PTAFR: variants seen among roughly 807,000 people sequenced by gnomAD.
PTAFR encodes platelet activating factor receptor.
PTAFR carries 8 observed loss-of-function variants against 14.7 expected under a neutral mutation model. The ratio of observed to expected loss-of-function variants is 0.54; its 90% CI spans 0.32 to 0.98. PTAFR has a LOEUF of 0.98. Ranked by LOEUF, PTAFR falls within the 50% of genes least tolerant of loss-of-function variation. The pLI is 0.04. For missense variants in PTAFR, 337 were observed against 451.2 expected, an observed-to-expected ratio of 0.75 and a Z score of 2.29; for synonymous variants, 156 against 176.5, an observed-to-expected ratio of 0.88 and a Z score of 0.92.
At chr1:28,182,530 C>T (rs1053322972) in intron 1 of PTAFR, among the ~76,000 whole-genome samples, 3 of 151,730 alleles carry the variant, frequency 2.0e-5, no homozygotes, top group African/African-American at 7.3e-5. Context: ...TTAAAATTCG[C>T]TGCAGTGAGC....
chr1:28,177,206 G>C (rs1242549431), upstream of PTAFR: 1 of 152,482 alleles, frequency 6.6e-6, no homozygotes, highest in Non-Finnish European at 1.5e-5. Context: ...ATTTGGGTCT[G>C]TGCGTCTCTG....
rs1349256207 is a variant in PTAFR, at chr1:28,149,375, C to T, written c.*618G>A. ...TTTGAGATGGAATCTCGCTCTGTTG[C>T]CAGGCTAGAGTGCAATGGTGCAATC... is the stretch of plus-strand genomic sequence containing the variant. On this transcript the variant is annotated 3_prime_UTR_variant, in exon 2 of 2. Transcript: ENST00000373857. 2 of 125,662 alleles carry T rather than the reference C, an allele frequency of 1.6e-5. No individual in the cohort carries two copies. Among genetic ancestry groups the T allele is most frequent in the Non-Finnish European group, 3.1e-5 (2 of 63,604 alleles). The allele number at this position is 125,662 out of a possible 1,614,324, so 7.8% of individuals were successfully genotyped here.
rs904024354 is a variant in PTAFR at position 28,149,826 on chromosome 1, A to T, written c.*167T>A. The T allele has an allele frequency of 2.2e-6, 2 of 897,046 alleles. No individual in the cohort carries two copies. The highest frequency in any genetic ancestry group is 1.7e-5 in the African/African-American group (1 of 59,494). 55.6% of individuals were successfully genotyped at this position (897,046 alleles called of 1,614,324 possible). A position where few individuals can be genotyped will look rare whatever the true frequency, so the allele number is the denominator to read the frequency against. ...GGCTCATTTGAGTTCTGGATTTTCC[A>T]ACAGCCTGGCTCTGCCATCATCCCT... is the stretch of plus-strand genomic sequence containing the variant. On this transcript the variant is annotated 3_prime_UTR_variant, in exon 2 of 2. Transcript: ENST00000373857.
rs1165813776 is a variant in PTAFR at position 28,184,082 on chromosome 1, GTTTTTTTTTTT to G, written c.-39+9629_-39+9639del. Reference sequence around the variant, plus strand: ...TCCATACTCACGTCCCCATTAGTCTGTTTTTTTTTTTTTTTTTTTTTTTTTTTTGAGCTGGA... The same window carrying G: ...TCCATACTCACGTCCCCATTAGTCTGTTTTTTTTTTTTTTTTTGAGCTGGA... On this transcript the variant is annotated intron_variant, in intron 1 of 1. Coordinates refer to the PTAFR transcript ENST00000305392. 9.7e-5 allele frequency among the ~76,000 whole-genome samples: 8 copies of G among 82,416 alleles called. No homozygotes were observed. The South Asian group carries it at 1.2e-3, about 13-fold the overall frequency. 54.1% of individuals were successfully genotyped at this position (82,416 alleles called of 152,430 possible).
chr1:28,158,673 G>A (rs560611858), intron 1 of PTAFR, among the ~76,000 whole-genome samples: 57 of 152,064 alleles, frequency 3.7e-4, no homozygotes, highest in Non-Finnish European at 6.6e-4. Flanking sequence ...ACTCCAGCCT[G>A]GGCAACAGAG....
chr1:28,170,161 T>G (rs1239076387), intron 1 of PTAFR, among the ~76,000 whole-genome samples: 1 of 152,214 alleles, frequency 6.6e-6, no homozygotes, highest in Non-Finnish European at 1.5e-5. Flanking sequence ...TGTTGATTTC[T>G]CTCTCCTTTT....
At chr1:28,182,006 C>T (rs1646566524) in intron 1 of PTAFR, among the ~76,000 whole-genome samples, 3 of 151,744 alleles carry the variant, frequency 2.0e-5, no homozygotes, top group African/African-American at 7.3e-5. Context: ...CTACATGAAT[C>T]TTCTCGGATC....
At chr1:28,152,281 GT>G (rs2148992842) in intron 1 of PTAFR, among the ~76,000 whole-genome samples, 1 of 151,916 alleles carries the variant, frequency 6.6e-6, no homozygotes, top group South Asian at 2.1e-4. Flanking sequence ...TGGCAGTTCT[GT>G]TTCTCTTCTT....
chr1:28,159,983 C>T (rs1441255066), intron 1 of PTAFR, among the ~76,000 whole-genome samples: 2 of 151,862 alleles, frequency 1.3e-5, no homozygotes, highest in African/African-American at 4.8e-5. Context: ...GAGGCCAAGG[C>T]GGAACAATTG....
At position 28,148,547 on chromosome 1, in the gene PTAFR, A is replaced by G. The variant is rs1042982078; in HGVS notation, c.*1446T>C. 6.6e-6 allele frequency: 1 copy of G among 152,550 alleles called. No homozygotes were observed. Among genetic ancestry groups the G allele is most frequent in the African/African-American group, 2.4e-5 (1 of 41,446 alleles). The allele number at this position is 152,550 out of a possible 1,614,324, so 9.4% of individuals were successfully genotyped here. A position where few individuals can be genotyped will look rare whatever the true frequency, so the allele number is the denominator to read the frequency against. The stretch of plus-strand genomic sequence containing the variant: ...GCCCAGGCTGGAGAGCAGTGGCGTG[A>G]TCTCGGCTCACTGCAAGCTCCGCCT... On this transcript the variant is annotated 3_prime_UTR_variant, in exon 2 of 2. Coordinates refer to ENST00000373857, the MANE Select transcript of PTAFR (RefSeq NM_000952.5).
chr1:28,150,518 G>T lies in PTAFR; in HGVS notation c.504C>A (p.Gly168=). 1.9e-6 allele frequency: 3 copies of T among 1,614,220 alleles called. No individual in the cohort carries two copies. The highest frequency in any genetic ancestry group is 1.7e-5 in the Admixed American group (1 of 60,022). ...TNTVPDSAGS[G]NVTRCFEHYE... ...AATGCTCAAAGCAGCGAGTGACGTT[G>T]CCTGAGCCAGCACTGTCGGGCACTG... The change falls in exon 2 of 2, where the codon GGC becomes GGA. Residue 168 remains glycine, a synonymous_variant. Transcript: ENST00000373857. The surrounding 1 kb of genome is among the most constrained non-coding windows in gnomAD (Gnocchi z 6.3).
At chr1:28,180,034 C>A (rs894812464), upstream of PTAFR, among the ~76,000 whole-genome samples, 1 of 152,112 alleles carries the variant, frequency 6.6e-6, no homozygotes, top group Non-Finnish European at 1.5e-5. Flanking sequence ...GAGGGCCAGG[C>A]TCAGTGGCTC....
intron 1 of PTAFR, among the ~76,000 whole-genome samples, chr1:28,168,531 CTTA>C (rs2149000183): frequency 6.6e-6 from 1 of 152,188 alleles, no homozygotes; most frequent in Admixed American, 6.5e-5. Flanking sequence ...TATGATTCCA[CTTA>C]TTATATGAGA....
intron 1 of PTAFR, among the ~76,000 whole-genome samples, chr1:28,168,308 T>G (rs1367360714): frequency 6.6e-6 from 1 of 152,066 alleles, no homozygotes; most frequent in East Asian, 1.9e-4. Flanking sequence ...CACATTCATA[T>G]TCATAGCAAC....
At chr1:28,165,538 C>G (rs1023926274) in intron 1 of PTAFR, among the ~76,000 whole-genome samples, 1 of 151,668 alleles carries the variant, frequency 6.6e-6, no homozygotes, top group African/African-American at 2.4e-5. Flanking sequence ...AATCCCAGCA[C>G]TTTGAGAGGC....
At chr1:28,152,747 A>G (rs989072823) in intron 1 of PTAFR, among the ~76,000 whole-genome samples, 1 of 152,138 alleles carries the variant, frequency 6.6e-6, no homozygotes, top group African/African-American at 2.4e-5. Context: ...CTGTCTCGAA[A>G]AAATAAATAA....
intron 1 of PTAFR, among the ~76,000 whole-genome samples, chr1:28,169,175 C>T (rs551890729): frequency 4.5e-4 from 68 of 152,036 alleles, no homozygotes; most frequent in Non-Finnish European, 5.3e-4. Flanking sequence ...ATGAGTGGAT[C>T]ACTTGAGCCC....
intron 1 of PTAFR, among the ~76,000 whole-genome samples, chr1:28,158,348 C>A (rs1453937763): frequency 6.6e-6 from 1 of 152,098 alleles, no homozygotes; most frequent in African/African-American, 2.4e-5. Flanking sequence ...TCTAAAGGAA[C>A]GTGAGACATT....
In PTAFR at chr1:28,150,339, C is replaced by T. The variant is rs147497462; in HGVS notation, c.683G>A (p.Arg228His). 6.3e-5 allele frequency: 102 copies of T among 1,613,862 alleles called. No individual in the cohort carries two copies. Among genetic ancestry groups the T allele is most frequent in the Non-Finnish European group, 6.7e-5 (79 of 1,179,938 alleles). Reference sequence around the variant, plus strand: ...CGTGCACACCATCCACAGCGCCCGGCGCTTGACTTCAGCGTTGCGCTGCTG... The same window carrying T: ...CGTGCACACCATCCACAGCGCCCGGTGCTTGACTTCAGCGTTGCGCTGCTG... ...VQQQRNAEVKRRALWMVCTVL... is the reference protein window; with the variant it reads ...VQQQRNAEVKHRALWMVCTVL... Residue 228 changes from arginine (R) to histidine (H), a missense_variant, in exon 2 of 2, where the codon CGC becomes CAC. By Grantham distance (29) the Arg-to-His change is conservative (BLOSUM62 0). Coordinates refer to ENST00000373857, the MANE Select transcript of PTAFR (RefSeq NM_000952.5). The surrounding 1 kb of genome is among the most constrained non-coding windows in gnomAD (Gnocchi z 6.3).
Sources: allele counts gnomAD v4.1 joint callset (sites outside exome capture counted in the v4.1 genomes callset), GRCh38; gene constraint gnomAD v4.1.1; non-coding constraint Gnocchi (gnomAD v3.1); transcripts MANE v1.5; gene names NCBI Gene and HGNC (gene_info 2026-07-23, HGNC 2026-07-21).